The following LIMS2 variants were observed in gnomAD, a reference collection of about 807,000 sequenced individuals.
LIMS2 encodes LIM zinc finger domain containing 2.
In LIMS2, 30 loss-of-function variants were observed where a neutral mutation model predicts 45.3. The observed-to-expected ratio is 0.66, with a 90% CI of 0.50 to 0.90. The LOEUF is 0.90. LIMS2 is among the 40% of genes least tolerant of loss of function. The pLI, the probability that LIMS2 is intolerant of heterozygous loss-of-function variation, is 0.00. For synonymous variants in LIMS2, 173 were observed against 188.0 expected, an observed-to-expected ratio of 0.92 and a Z score of 0.65; for missense variants, 485 against 468.7, an observed-to-expected ratio of 1.03 and a Z score of -0.32.
At chr2:127,656,459 GC>G (rs1684261508) in intron 2 of LIMS2, among the ~76,000 whole-genome samples, 1 of 150,114 alleles carries the variant, frequency 6.7e-6, no homozygotes. Flanking sequence ...TGTCCCACAG[GC>G]TGGAGTGCAA....
chr2:127,660,399 C>T (rs752656722), intron 1 of LIMS2, among the ~76,000 whole-genome samples: 21 of 152,168 alleles, frequency 1.4e-4, no homozygotes, highest in Non-Finnish European at 2.4e-4. Flanking sequence ...TTTGGGTCTG[C>T]GCCACCTTTA....
chr2:127,647,615 C>A lies in LIMS2; in HGVS notation c.360-4543G>T, dbSNP rs920242173. Among the ~76,000 whole-genome samples, 2 of 152,050 alleles carry A rather than the reference C, an allele frequency of 1.3e-5. No homozygotes were observed. Among genetic ancestry groups the A allele is most frequent in the African/African-American group, 4.8e-5 (2 of 41,388 alleles). ...GGGCACCCACCTTGGCCCCTTCCCACCCCCAGGTTCTAACAAGGGCCCCTC... is the reference window on the plus strand; with the variant it reads ...GGGCACCCACCTTGGCCCCTTCCCAACCCCAGGTTCTAACAAGGGCCCCTC... On this transcript the variant is annotated intron_variant, in intron 4 of 9. Coordinates refer to ENST00000355119, the MANE Select transcript of LIMS2 (RefSeq NM_001161403.3). The surrounding 1 kb of genome is among the most constrained non-coding windows in gnomAD (Gnocchi z 4.3).
upstream of LIMS2, among the ~76,000 whole-genome samples, chr2:127,678,437 G>T (rs971016772): frequency 2.0e-5 from 3 of 152,180 alleles, no homozygotes; most frequent in Non-Finnish European, 4.4e-5. The surrounding 1 kb of genome is among the most constrained non-coding windows in gnomAD (Gnocchi z 5.3). Flanking sequence ...AGCAAAAGGG[G>T]GAAGTGTCCC....
chr2:127,660,142 C>G (rs1573824537), intron 1 of LIMS2, among the ~76,000 whole-genome samples: 1 of 152,204 alleles, frequency 6.6e-6, no homozygotes, highest in East Asian at 1.9e-4. Flanking sequence ...AATCAGTGCT[C>G]TGTGTCTAGC....
At chr2:127,677,849 G>T (rs1685536780), upstream of LIMS2, among the ~76,000 whole-genome samples, 1 of 152,284 alleles carries the variant, frequency 6.6e-6, no homozygotes, top group Admixed American at 6.5e-5. The surrounding 1 kb of genome is among the most constrained non-coding windows in gnomAD (Gnocchi z 5.0). Flanking sequence ...GCTGCCTCAG[G>T]CTGGTCTATT....
At position 127,640,328 on chromosome 2, in the gene LIMS2, G is replaced by C. The variant is rs377539811; in HGVS notation, c.754-10C>G. 6.2e-7 allele frequency: 1 copy of C among 1,612,156 alleles called. No homozygotes were observed. Among genetic ancestry groups the C allele is most frequent in the South Asian group, 1.1e-5 (1 of 90,930 alleles). On this transcript the variant is annotated splice_polypyrimidine_tract_variant and intron_variant, in intron 7 of 9. Transcript: ENST00000355119. ...AGACGTCCCCGAAGAGCTGTGGGCCGAGCAGGCTGTCAGAGTAGCTGCAGG... is the reference window on the plus strand; with the variant it reads ...AGACGTCCCCGAAGAGCTGTGGGCCCAGCAGGCTGTCAGAGTAGCTGCAGG...
At chr2:127,656,765 C>T (rs1402311973) in intron 2 of LIMS2, among the ~76,000 whole-genome samples, 1 of 152,194 alleles carries the variant, frequency 6.6e-6, no homozygotes, top group African/African-American at 2.4e-5. Flanking sequence ...TGCTCCACAC[C>T]CCGAGGTGGC....
chr2:127,673,563 G>T, intron 1 of LIMS2: 1 of 1,063,956 alleles, frequency 9.4e-7, no homozygotes, highest in Non-Finnish European at 1.4e-6. Context: ...GGGGCAAGAG[G>T]ACCCTTGCCA....
upstream of LIMS2, among the ~76,000 whole-genome samples, chr2:127,675,765 C>T (rs1257748861): frequency 1.3e-5 from 2 of 152,180 alleles, no homozygotes; most frequent in Non-Finnish European, 2.9e-5. Flanking sequence ...TGGGCACTGA[C>T]TCCCTCCCGA....
At chr2:127,657,274 G>A (rs1443547134) in intron 2 of LIMS2, 129 bp downstream of exon 2, 4 of 1,070,852 alleles carry the variant, frequency 3.7e-6, no homozygotes, top group Admixed American at 4.3e-5. Flanking sequence ...AGGAGCTCAA[G>A]CCTGGTTCTG....
intron 4 of LIMS2, chr2:127,644,218 C>T (rs1682717802): frequency 4.8e-6 from 2 of 414,692 alleles, no homozygotes; most frequent in Non-Finnish European, 9.8e-6. Flanking sequence ...CTCTGTGCCT[C>T]CCCAAGACCC....
Position 127,638,938 on chromosome 2 carries a change from C to T in LIMS2, c.*343G>A, listed in dbSNP as rs1440140283. The T allele has an allele frequency of 3.4e-6, 1 of 290,310 alleles. No homozygotes were observed. Among genetic ancestry groups the T allele is most frequent in the African/African-American group, 2.2e-5 (1 of 45,302 alleles). The allele number at this position is 290,310 out of a possible 1,614,324, so 18.0% of individuals were successfully genotyped here. On this transcript the variant is annotated 3_prime_UTR_variant, in exon 10 of 10. Transcript: ENST00000355119. ...CAGGACAGCATGAGCCACTGAGCCG[C>T]CTGGGGAGGGCCAGGCCAGGCGGGG... is the stretch of plus-strand genomic sequence containing the variant.
At chr2:127,641,044 G>T in intron 6 of LIMS2, 56 bp from the exon 7 acceptor site, 1 of 1,436,474 alleles carries the variant, frequency 7.0e-7, no homozygotes, top group Non-Finnish European at 9.8e-7. Context: ...TGACCCCGAG[G>T]GACAGTGGTG....
chr2:127,676,468 A>G (rs566899883), upstream of LIMS2, among the ~76,000 whole-genome samples: 2 of 144,260 alleles, frequency 1.4e-5, no homozygotes, highest in Non-Finnish European at 3.0e-5. Flanking sequence ...CTGGAGTGCA[A>G]TGGTGCAATC....
At position 127,668,668 on chromosome 2, in the gene LIMS2, CAAAAAAAAAAAAAAAAAAAAAAA is replaced by C. The variant is rs70985469; in HGVS notation, c.11+6323_11+6345del. 7.4e-3 allele frequency among the ~76,000 whole-genome samples: 127 copies of C among 17,264 alleles called. 3 individuals carry two copies. The highest frequency in any genetic ancestry group is 0.013 in the South Asian group (3 of 228). 11.3% of individuals were successfully genotyped at this position (17,264 alleles called of 152,430 possible). ...TGGGTGACAGAGTGAGACTCCGTCTCAAAAAAAAAAAAAAAAAAAAAAAAAAAAAAAAAAAAAAAAAAACACCT... is the reference window on the plus strand; with the variant it reads ...TGGGTGACAGAGTGAGACTCCGTCTCAAAAAAAAAAAAAAAAAAAACACCT... On this transcript the variant is annotated intron_variant, in intron 1 of 9. Transcript: ENST00000355119.
rs1262177530 is a variant in LIMS2, at chr2:127,642,099, G to A, written c.610C>T (p.Pro204Ser). 6.2e-7 allele frequency: 1 copy of A among 1,609,098 alleles called. No individual in the cohort carries two copies. Among genetic ancestry groups the A allele is most frequent in the African/African-American group, 1.3e-5 (1 of 74,872 alleles). Residue 204 changes from proline to serine, a missense_variant, in exon 6 of 10, where the codon CCC (proline) becomes TCC (serine). Physicochemically the swap from Pro to Ser is moderately conservative, Grantham distance 74. Transcript: ENST00000355119. The surrounding 1 kb of genome is among the most constrained non-coding windows in gnomAD (Gnocchi z 5.3). ...GVPICGACRR[P>S]IEGRVVNALG... The stretch of plus-strand genomic sequence containing the variant: ...GCGTTGACCACTCGGCCCTCGATGG[G>A]CCGGCGGCAGGCCCCGCAGATGGGG...
intron 4 of LIMS2, chr2:127,650,747 T>C (rs368039715): frequency 1.9e-5 from 30 of 1,612,054 alleles, no homozygotes; most frequent in Non-Finnish European, 2.5e-5. Context: ...TGAATGGCCT[T>C]GAAGTGGCTC....
chr2:127,639,805 C>T (rs1181886051), intron 9 of LIMS2, among the ~76,000 whole-genome samples: 1 of 152,206 alleles, frequency 6.6e-6, no homozygotes, highest in Non-Finnish European at 1.5e-5. Flanking sequence ...GCCCTTCCCT[C>T]CCCAGAGCCC....
intron 1 of LIMS2, among the ~76,000 whole-genome samples, chr2:127,669,452 G>A (rs1217231093): frequency 6.6e-6 from 1 of 152,150 alleles, no homozygotes; most frequent in Non-Finnish European, 1.5e-5. Flanking sequence ...GGTGGCTCGT[G>A]CCTGTAATCC....
Sources: allele counts gnomAD v4.1 joint callset (sites outside exome capture counted in the v4.1 genomes callset), GRCh38; gene constraint gnomAD v4.1.1; non-coding constraint Gnocchi (gnomAD v3.1); transcripts MANE v1.5; gene names NCBI Gene and HGNC (gene_info 2026-07-23, HGNC 2026-07-21).